Variants in HCLS1 observed in about 807,000 individuals in gnomAD.
HCLS1 encodes hematopoietic lineage cell-specific protein.
In HCLS1, 44 loss-of-function variants were observed where a neutral mutation model predicts 68.6. The ratio of observed to expected loss-of-function variants is 0.64; its 90% CI spans 0.50 to 0.82. The LOEUF is 0.82. Among genes scored for constraint, HCLS1 ranks in the 40% least tolerant of loss-of-function variants. The pLI, the probability that HCLS1 is intolerant of heterozygous loss-of-function variation, is 0.00. For synonymous variants in HCLS1, 217 were observed against 225.8 expected, an observed-to-expected ratio of 0.96 and a Z score of 0.35; for missense variants, 602 against 612.1, an observed-to-expected ratio of 0.98 and a Z score of 0.17.
At chr3:121,656,827 T>A (rs1328392029) in intron 3 of HCLS1, 1 of 153,388 alleles carries the variant, frequency 6.5e-6, no homozygotes, top group African/African-American at 2.4e-5. Flanking sequence ...GACATTTTAC[T>A]GAATTGTTCT....
chr3:121,642,826 A>ATGGATGACATGACAACTGC, intron 6 of HCLS1, 101 bp downstream of exon 6: 1 of 909,546 alleles, frequency 1.1e-6, no homozygotes. Context: ...GCGCTGGGTC[A>ATGGATGACATGACAACTGC]TGGAAGTTAA....
At position 121,634,242 on chromosome 3, in the gene HCLS1, C is replaced by T. The variant is rs2108856527; in HGVS notation, c.868G>A (p.Val290Ile). 6.2e-7 allele frequency: 1 copy of T among 1,614,224 alleles called. No homozygotes were observed. Among genetic ancestry groups the T allele is most frequent in the Non-Finnish European group, 8.5e-7 (1 of 1,180,048 alleles). Residue 290 changes from valine (V) to isoleucine (I), a missense_variant, in exon 10 of 14, where the codon GTA becomes ATA. Transcript: ENST00000314583. ...ATTTTCTTGGGCAGTGGGGCCGGTACTGCTGGCTCTTCCATAGCTATCACT... is the reference window on the plus strand; with the variant it reads ...ATTTTCTTGGGCAGTGGGGCCGGTATTGCTGGCTCTTCCATAGCTATCACT... ...QPVIAMEEPAVPAPLPKKISS... is the reference protein window; with the variant it reads ...QPVIAMEEPAIPAPLPKKISS...
At chr3:121,659,458 T>A (rs1937944783) in intron 1 of HCLS1, among the ~76,000 whole-genome samples, 1 of 152,158 alleles carries the variant, frequency 6.6e-6, no homozygotes, top group African/African-American at 2.4e-5. Flanking sequence ...AAGAGTCCCT[T>A]TACAACCACT....
rs751715922 is a variant in HCLS1 at position 121,637,185 on chromosome 3, C to T, written c.526G>A (p.Asp176Asn). 3.7e-6 allele frequency: 6 copies of T among 1,613,912 alleles called. No homozygotes were observed. In the East Asian group the frequency reaches 8.9e-5, roughly 24 times the overall value. The change falls in exon 7 of 14, where the codon GAC becomes AAC. Residue 176 changes from aspartate to asparagine, a missense_variant. By Grantham distance (23) the Asp-to-Asn change is conservative. Transcript: ENST00000314583. ...TGTTTCTCCGTCTCTCCCTTGTAGT[C>T]ATATCCCAGAGCTGCTTTGTCCCAT... ...DKWDKAALGY[D>N]YKGETEKHES...
At chr3:121,636,533 G>A (rs1176273998) in intron 7 of HCLS1, 44 bp from the exon 8 acceptor site, 1 of 1,433,856 alleles carries the variant, frequency 7.0e-7, no homozygotes, top group Non-Finnish European at 9.8e-7. Context: ...CAAAATGCTG[G>A]GAATGGGTGG....
intron 3 of HCLS1, among the ~76,000 whole-genome samples, chr3:121,655,807 G>C (rs1937852967): frequency 6.8e-6 from 1 of 147,354 alleles, no homozygotes; most frequent in African/African-American, 2.5e-5. Context: ...ATTCATTATA[G>C]CTACTTAATT....
In HCLS1 at chr3:121,657,299, A is replaced by G. The variant is rs145046503; in HGVS notation, c.138T>C (p.Ser46=). ...QRWGAKTIEG[S]GRTEHINIHQ... The stretch of plus-strand genomic sequence containing the variant: ...CCTACTTGATGTGTTCTGTGCGTCC[A>G]GACCCCTCGATGGTCTTGGCTCCCC... Residue 46 remains serine, a synonymous_variant, in exon 3 of 14, where the codon TCT becomes TCC. Transcript: ENST00000314583. 6.2e-7 allele frequency: 1 copy of G among 1,613,896 alleles called. No individual in the cohort carries two copies. Among genetic ancestry groups the G allele is most frequent in the Non-Finnish European group, 8.5e-7 (1 of 1,179,974 alleles).
chr3:121,635,736 G>T lies in HCLS1; in HGVS notation c.690C>A (p.Ala230=), dbSNP rs3772126. 6.2e-7 allele frequency: 1 copy of T among 1,612,704 alleles called. No individual in the cohort carries two copies. Among genetic ancestry groups the T allele is most frequent in the Non-Finnish European group, 8.5e-7 (1 of 1,178,836 alleles). ...TAYKKTTPIE[A]ASSGTRGLKA... ...GGAGAGTGAATCACTAAGCCTCACC[G>T]GCTTCTATGGGCGTCGTCTTCTTAT... Residue 230 remains alanine (A), a splice_region_variant and synonymous_variant, in exon 9 of 14, where the codon GCC becomes GCA. Transcript: ENST00000314583.
intron 1 of HCLS1, among the ~76,000 whole-genome samples, chr3:121,659,751 C>T (rs1367610420): frequency 1.3e-5 from 2 of 150,316 alleles, no homozygotes; most frequent in African/African-American, 4.9e-5. Flanking sequence ...CCCCTGGCTC[C>T]TGGGCTGCTG....
At chr3:121,647,666 G>A (rs917159101) in intron 3 of HCLS1, among the ~76,000 whole-genome samples, 3 of 152,244 alleles carry the variant, frequency 2.0e-5, no homozygotes, top group African/African-American at 7.2e-5. Flanking sequence ...ATTTCCTCTA[G>A]TCTGTTATTT....
chr3:121,653,351 G>A lies in HCLS1; in HGVS notation c.158+3928C>T, dbSNP rs192643161. Among the ~76,000 whole-genome samples the A allele has an allele frequency of 4.7e-4, 72 of 152,282 alleles. 1 individual carries two copies. The East Asian group carries it at 0.012, about 26-fold the overall frequency. On this transcript the variant is annotated intron_variant, in intron 3 of 13. Transcript: ENST00000314583. ...TTTTTGGATTAGGGATGCTCAACCT[G>A]TATCTCTGTATCCTCGGACAAATTG...
At chr3:121,660,110 G>A (rs1457050855) in intron 1 of HCLS1, among the ~76,000 whole-genome samples, 1 of 152,188 alleles carries the variant, frequency 6.6e-6, no homozygotes, top group Non-Finnish European at 1.5e-5. Context: ...CCCCAGCTCT[G>A]TGACTAAGCC....
chr3:121,632,884 A>G (rs995944089), intron 11 of HCLS1, among the ~76,000 whole-genome samples, 183 bp downstream of exon 11: 5 of 152,200 alleles, frequency 3.3e-5, no homozygotes, highest in African/African-American at 1.2e-4. Flanking sequence ...GAGCTACCAC[A>G]GCTAGGATAA....
chr3:121,644,556 G>C (rs563571390), intron 5 of HCLS1: 51 of 583,404 alleles, frequency 8.7e-5, no homozygotes, highest in African/African-American at 8.0e-4. Context: ...ATAAAAACCA[G>C]TGGCTTGAGG....
intron 2 of HCLS1, 88 bp downstream of exon 2, chr3:121,658,176 C>T: frequency 1.0e-6 from 1 of 1,003,380 alleles, no homozygotes. Flanking sequence ...GGCCCTTTTC[C>T]AAGCATCCTC....
rs548588469 is a variant in HCLS1, at chr3:121,647,251, G to T, written c.288+68C>A. On this transcript the variant is annotated intron_variant, in intron 4 of 13. Coordinates refer to ENST00000314583, the MANE Select transcript of HCLS1 (RefSeq NM_005335.6). ...CCACCTTGGCCTTCCAAAGTGCTGG[G>T]ATTACAGGCGTGAGCCACCGCACCC... 65 of 1,549,108 alleles carry T rather than the reference G, an allele frequency of 4.2e-5. No individual in the cohort carries two copies. In the African/African-American group the frequency reaches 8.7e-4, roughly 21 times the overall value.
chr3:121,636,820 G>C (rs984098837), intron 7 of HCLS1, among the ~76,000 whole-genome samples: 1 of 152,170 alleles, frequency 6.6e-6, no homozygotes, highest in African/African-American at 2.4e-5. Flanking sequence ...TTTATCCTCT[G>C]TGAGGACAGC....
rs2049098842 is a variant in HCLS1, at chr3:121,631,720, A to G, written c.*126T>C. 3 of 992,868 alleles carry G rather than the reference A, an allele frequency of 3.0e-6. No individual in the cohort carries two copies. Among genetic ancestry groups the G allele is most frequent in the African/African-American group, 3.2e-5 (2 of 61,760 alleles). The allele number at this position is 992,868 out of a possible 1,614,324, so 61.5% of individuals were successfully genotyped here. ...TGTCTCTGCCCCAAGCCCTTAATGA[A>G]GCAGGAGAGGGAAGTCTGTCCAGAA... is the stretch of plus-strand genomic sequence containing the variant. On this transcript the variant is annotated 3_prime_UTR_variant, in exon 14 of 14. Transcript: ENST00000314583.
Position 121,631,764 on chromosome 3 carries a change from T to G in HCLS1, c.*82A>C. 1.4e-6 allele frequency: 2 copies of G among 1,473,602 alleles called. No homozygotes were observed. The highest frequency in any genetic ancestry group is 1.9e-6 in the Non-Finnish European group (2 of 1,064,712). The allele number at this position is 1,473,602 out of a possible 1,614,324, so 91.3% of individuals were successfully genotyped here. A position where few individuals can be genotyped will look rare whatever the true frequency, so the allele number is the denominator to read the frequency against. Reference sequence around the variant, plus strand: ...TCCAGAACCTCATCTGGTTAGACATTTGCAGCAGGAATAGGGAGGGGGTGG... The same window carrying G: ...TCCAGAACCTCATCTGGTTAGACATGTGCAGCAGGAATAGGGAGGGGGTGG... On this transcript the variant is annotated 3_prime_UTR_variant, in exon 14 of 14. Coordinates refer to ENST00000314583, the MANE Select transcript of HCLS1 (RefSeq NM_005335.6).
Sources: allele counts gnomAD v4.1 joint callset (sites outside exome capture counted in the v4.1 genomes callset), GRCh38; gene constraint gnomAD v4.1.1; transcripts MANE v1.5; gene names NCBI Gene and HGNC (gene_info 2026-07-23, HGNC 2026-07-21).